Variants in LIPC observed in about 807,000 individuals in gnomAD.
The protein encoded by LIPC is lipase C, hepatic type, also known as hepatic triacylglycerol lipase.
In LIPC, 44 loss-of-function variants were observed where a neutral mutation model predicts 50.7. That is an observed-to-expected ratio of 0.87 (90% CI 0.68 to 1.11). LIPC has a LOEUF of 1.11. Among genes scored for constraint, LIPC ranks in the 50% most tolerant of loss-of-function variants. The pLI, the probability that LIPC is intolerant of heterozygous loss-of-function variation, is 0.00. For missense variants in LIPC, 697 were observed against 648.2 expected, an observed-to-expected ratio of 1.08 and a Z score of -0.82; for synonymous variants, 271 against 256.4, an observed-to-expected ratio of 1.06 and a Z score of -0.54.
At chr15:58,456,250 CCAAAA>C in intron 1 of LIPC, 2 of 151,126 alleles carry the variant, frequency 1.3e-5, no homozygotes, top group Non-Finnish European at 2.9e-5. Flanking sequence ...TGAGATCAAG[CCAAAA>C]GAAAAGAAAA....
At chr15:58,461,329 G>A (rs759872719) in intron 1 of LIPC, among the ~76,000 whole-genome samples, 7 of 152,192 alleles carry the variant, frequency 4.6e-5, no homozygotes, top group Non-Finnish European at 8.8e-5. Context: ...GTTTATAGAG[G>A]CAGAGAAACT....
At chr15:58,499,948 A>G (rs1002426842) in intron 1 of LIPC, among the ~76,000 whole-genome samples, 1 of 152,162 alleles carries the variant, frequency 6.6e-6, no homozygotes, top group Non-Finnish European at 1.5e-5. Flanking sequence ...GGTAGAAGAC[A>G]TGAGTTGGGG....
intron 1 of LIPC, among the ~76,000 whole-genome samples, chr15:58,526,908 C>T (rs1892814530): frequency 6.6e-6 from 1 of 152,170 alleles, no homozygotes; most frequent in Non-Finnish European, 1.5e-5. Flanking sequence ...CAAGGCCATA[C>T]AGCTAATAAG....
intron 6 of LIPC, among the ~76,000 whole-genome samples, chr15:58,553,698 G>A (rs542802174): frequency 3.3e-5 from 5 of 152,198 alleles, no homozygotes; most frequent in Non-Finnish European, 5.9e-5. Flanking sequence ...ATGTGGCCAC[G>A]AAAATACCGA....
At chr15:58,520,434 G>A (rs1006103026) in intron 1 of LIPC, among the ~76,000 whole-genome samples, 4 of 152,050 alleles carry the variant, frequency 2.6e-5, no homozygotes, top group East Asian at 3.9e-4. Context: ...CTCTTAAAGC[G>A]CTCAGCCCTC....
At chr15:58,452,382 A>G (rs146527524) in intron 1 of LIPC, among the ~76,000 whole-genome samples, 1 of 152,334 alleles carries the variant, frequency 6.6e-6, no homozygotes, top group African/African-American at 2.4e-5. Flanking sequence ...ACCACCTACT[A>G]TAAAAACTAA....
intron 1 of LIPC, among the ~76,000 whole-genome samples, chr15:58,490,730 G>A (rs1257513498): frequency 6.6e-6 from 1 of 152,198 alleles, no homozygotes; most frequent in Non-Finnish European, 1.5e-5. Context: ...GCTGGGAGTG[G>A]GTGGAGCGCC....
intron 8 of LIPC, chr15:58,566,290 A>T: frequency 1.0e-6 from 1 of 985,396 alleles, no homozygotes; most frequent in Non-Finnish European, 1.2e-6. Flanking sequence ...TCCCAGGGAG[A>T]CAGGCAGCCG....
At chr15:58,523,886 G>T (rs540653134) in intron 1 of LIPC, among the ~76,000 whole-genome samples, 1 of 152,114 alleles carries the variant, frequency 6.6e-6, no homozygotes, top group Non-Finnish European at 1.5e-5. Context: ...AGTGAGCTAC[G>T]ATCACTACAC....
intron 1 of LIPC, among the ~76,000 whole-genome samples, chr15:58,519,021 CT>C (rs1892569427): frequency 6.6e-6 from 1 of 152,032 alleles, no homozygotes; most frequent in South Asian, 2.1e-4. Flanking sequence ...CTGACGATGA[CT>C]CTGGTTACCT....
At chr15:58,551,889 C>G (rs1893774339) in intron 6 of LIPC, among the ~76,000 whole-genome samples, 1 of 152,198 alleles carries the variant, frequency 6.6e-6, no homozygotes, top group Admixed American at 6.5e-5. Flanking sequence ...TTCGACAAAA[C>G]CATCAAAGGA....
chr15:58,465,749 TAG>T (rs1894536116), intron 1 of LIPC, among the ~76,000 whole-genome samples: 1 of 152,066 alleles, frequency 6.6e-6, no homozygotes, highest in African/African-American at 2.4e-5. Context: ...CCTGGGAAGA[TAG>T]AGTCCAAGAG....
At chr15:58,500,966 C>T (rs1431095884) in intron 1 of LIPC, among the ~76,000 whole-genome samples, 2 of 152,000 alleles carry the variant, frequency 1.3e-5, no homozygotes, top group Non-Finnish European at 2.9e-5. Context: ...GTGCATTGCT[C>T]CCATTAGTGA....
intron 1 of LIPC, among the ~76,000 whole-genome samples, chr15:58,469,180 G>A (rs950569836): frequency 6.7e-6 from 1 of 149,872 alleles, no homozygotes; most frequent in Admixed American, 6.7e-5. Flanking sequence ...TGTTGCCCAG[G>A]CTGGAGTGCA....
intron 1 of LIPC, among the ~76,000 whole-genome samples, chr15:58,489,476 C>T (rs186022952): frequency 2.0e-4 from 31 of 152,176 alleles, no homozygotes; most frequent in Admixed American, 6.5e-4. Flanking sequence ...ATGGGTGCTG[C>T]AGATTGGTTG....
At chr15:58,498,416 T>C (rs190471231) in intron 1 of LIPC, among the ~76,000 whole-genome samples, 10 of 152,084 alleles carry the variant, frequency 6.6e-5, no homozygotes, top group African/African-American at 2.4e-4. Context: ...AGGGGCCATA[T>C]TGCCCCCAAG....
chr15:58,477,629 T>C (rs1216346144), intron 1 of LIPC, among the ~76,000 whole-genome samples: 2 of 152,108 alleles, frequency 1.3e-5, no homozygotes, highest in East Asian at 3.9e-4. Flanking sequence ...AGCTCTCCGG[T>C]TTTCAGCTCC....
Position 58,465,737 on chromosome 15 carries a change from G to A in LIPC, c.88+33617G>A, listed in dbSNP as rs533851302. Among the ~76,000 whole-genome samples the A allele has an allele frequency of 2.2e-4, 33 of 152,282 alleles. No individual in the cohort carries two copies. In the East Asian group the frequency reaches 4.8e-3, roughly 22 times the overall value. ...CAAGGGGACCAGGAAGCTTGGACCC[G>A]TCCTGGGAAGATAGAGTCCAAGAGG... On this transcript the variant is annotated intron_variant, in intron 1 of 8. Coordinates refer to ENST00000299022, the MANE Select transcript of LIPC (RefSeq NM_000236.3).
chr15:58,470,100 T>C (rs1894738529), intron 1 of LIPC, among the ~76,000 whole-genome samples: 1 of 151,954 alleles, frequency 6.6e-6, no homozygotes. Context: ...ACCCGGATAA[T>C]TTTTGTAATT....
Sources: gnomAD v4.1 joint callset for allele counts (sites outside exome capture counted in the v4.1 genomes callset) on GRCh38, gnomAD v4.1.1 for gene constraint, MANE v1.5 for transcripts, NCBI Gene and HGNC (gene_info 2026-07-23, HGNC 2026-07-21) for gene names.